PRELID3A: variants seen among roughly 807,000 people sequenced by gnomAD.
PRELID3A encodes the protein PRELI domain containing protein 3A.
A neutral mutation model predicts 23.0 loss-of-function variants in PRELID3A; 27 were observed. The ratio of observed to expected loss-of-function variants is 1.17; its 90% CI spans 0.87 to 1.62. The LOEUF (loss-of-function observed/expected upper bound fraction) is 1.62. Among genes scored for constraint, PRELID3A ranks in the 40% most tolerant of loss-of-function variants. The pLI is 0.00. For synonymous variants in PRELID3A, 87 were observed against 86.4 expected (o/e 1.01, Z -0.04); for missense variants, 231 against 231.4 (o/e 1.00, Z 0.01).
intron 1 of PRELID3A, among the ~76,000 whole-genome samples, chr18:12,415,045 C>T (rs1042852792): frequency 1.3e-5 from 2 of 152,200 alleles, no homozygotes; most frequent in South Asian, 4.2e-4. Context: ...CCTCCCATCT[C>T]AGGCTCTGCA....
intron 5 of PRELID3A, among the ~76,000 whole-genome samples, 154 bp downstream of exon 5, chr18:12,427,477 G>A (rs1046376944): frequency 4.6e-5 from 7 of 151,898 alleles, no homozygotes; most frequent in Non-Finnish European, 7.4e-5. Context: ...CAGGTGGACC[G>A]CTTGAGGCCA....
chr18:12,422,086 C>T (rs565471513), intron 3 of PRELID3A, among the ~76,000 whole-genome samples: 28 of 152,006 alleles, frequency 1.8e-4, no homozygotes, highest in African/African-American at 5.1e-4. Context: ...ACCACAGGCA[C>T]GTGCCACCAT....
intron 1 of PRELID3A, among the ~76,000 whole-genome samples, chr18:12,415,065 A>G (rs1057151646): frequency 1.3e-5 from 2 of 151,854 alleles, no homozygotes; most frequent in African/African-American, 4.8e-5. Flanking sequence ...AGTAGCTGGG[A>G]CTATGGTTGC....
intron 1 of PRELID3A, 137 bp downstream of exon 1, chr18:12,408,144 A>G: frequency 1.3e-6 from 1 of 790,506 alleles, no homozygotes; most frequent in Non-Finnish European, 1.7e-6. Flanking sequence ...GGCCGTTCCC[A>G]GACCGCAACT....
At chr18:12,422,599 C>T (rs2143373544) in intron 3 of PRELID3A, among the ~76,000 whole-genome samples, 1 of 152,142 alleles carries the variant, frequency 6.6e-6, no homozygotes, top group Middle Eastern at 3.4e-3. Context: ...CCTCGTGATC[C>T]ACCCGCCTCA....
intron 1 of PRELID3A, among the ~76,000 whole-genome samples, chr18:12,416,729 T>A (rs1367079630): frequency 6.7e-6 from 1 of 150,300 alleles, no homozygotes; most frequent in Non-Finnish European, 1.5e-5. Context: ...CACTGCAAGC[T>A]CCGCCTCCCG....
chr18:12,421,261 A>G (rs2030172729), intron 2 of PRELID3A: 1 of 416,034 alleles, frequency 2.4e-6, no homozygotes, highest in African/African-American at 2.1e-5. Context: ...TCCGCCCGGC[A>G]GAGGGGCCTC....
In PRELID3A at chr18:12,408,069, G is replaced by C. The variant is rs1598852388; in HGVS notation, c.32+62G>C. Reference sequence around the variant, plus strand: ...GACGCCGGCTCCTGCTCCCGAGCCCGGCTGGAGCGGTCCAGGAAAGGCCGG... The same window carrying C: ...GACGCCGGCTCCTGCTCCCGAGCCCCGCTGGAGCGGTCCAGGAAAGGCCGG... On this transcript the variant is annotated intron_variant, in intron 1 of 6. Coordinates refer to ENST00000440960, the MANE Select transcript of PRELID3A (RefSeq NM_001142405.2). 2.4e-6 allele frequency: 3 copies of C among 1,224,522 alleles called. No individual in the cohort carries two copies. The East Asian group carries it at 9.6e-5, about 39-fold the overall frequency. The allele number at this position is 1,224,522 out of a possible 1,614,324, so 75.9% of individuals were successfully genotyped here. A position where few individuals can be genotyped will look rare whatever the true frequency, so the allele number is the denominator to read the frequency against.
intron 3 of PRELID3A, among the ~76,000 whole-genome samples, chr18:12,426,380 C>G (rs1006427178): frequency 2.0e-5 from 3 of 150,298 alleles, no homozygotes; most frequent in Non-Finnish European, 4.4e-5. Context: ...CGGTGAAACT[C>G]CGTCTCTACT....
At chr18:12,411,647 CT>C (rs1374559550) in intron 1 of PRELID3A, among the ~76,000 whole-genome samples, 1 of 152,196 alleles carries the variant, frequency 6.6e-6, no homozygotes, top group Non-Finnish European at 1.5e-5. Flanking sequence ...CCATGCCCTT[CT>C]CAGGGCAGGA....
intron 1 of PRELID3A, among the ~76,000 whole-genome samples, chr18:12,415,137 G>A (rs2096847): frequency 0.17 from 25,604 of 151,720 alleles, 2,587 homozygotes; most frequent in East Asian, 0.33. Flanking sequence ...GCTCTATTGC[G>A]CAGGCTGGTC....
intron 1 of PRELID3A, among the ~76,000 whole-genome samples, chr18:12,416,571 C>G (rs1048279496): frequency 2.6e-5 from 4 of 152,196 alleles, no homozygotes; most frequent in Admixed American, 1.3e-4. Context: ...CCTGCCTCAG[C>G]CTCCCCAAGT....
At chr18:12,426,563 A>AAAAAAAAAAAAAAAAAAAAAAAAAAAG (rs67993774) in intron 3 of PRELID3A, among the ~76,000 whole-genome samples, 1 of 87,720 alleles carries the variant, frequency 1.1e-5, no homozygotes, top group Non-Finnish European at 2.1e-5. Flanking sequence ...CAAAAAAAAA[A>AAAAAAAAAAAAAAAAAAAAAAAAAAAG]AAAGTATAAA....
chr18:12,428,280 T>G (rs1384782044), intron 5 of PRELID3A, among the ~76,000 whole-genome samples: 3 of 152,196 alleles, frequency 2.0e-5, no homozygotes, highest in South Asian at 2.1e-4. Context: ...GCAGAGTTGA[T>G]GGAAAGAGCT....
At chr18:12,430,022 G>C (rs938955823) in intron 6 of PRELID3A, among the ~76,000 whole-genome samples, 3 of 152,370 alleles carry the variant, frequency 2.0e-5, no homozygotes, top group African/African-American at 7.2e-5. Context: ...CCTGATCCCC[G>C]GGGAGGACGC....
At chr18:12,416,633 T>A (rs1259527131) in intron 1 of PRELID3A, among the ~76,000 whole-genome samples, 1 of 148,834 alleles carries the variant, frequency 6.7e-6, no homozygotes, top group Non-Finnish European at 1.5e-5. Context: ...TATTTTCTTT[T>A]CTTTTCTTTC....
chr18:12,413,485 G>A (rs1177815368), intron 1 of PRELID3A, among the ~76,000 whole-genome samples: 1 of 152,204 alleles, frequency 6.6e-6, no homozygotes, highest in Non-Finnish European at 1.5e-5. Flanking sequence ...TGACTTGGAA[G>A]CATTTGGAAT....
chr18:12,430,592 GTA>G (rs549392367), intron 6 of PRELID3A, among the ~76,000 whole-genome samples: 173 of 150,060 alleles, frequency 1.2e-3, no homozygotes, highest in Middle Eastern at 0.01. Context: ...TGTGTGATGT[GTA>G]TATGTGTGGT....
intron 1 of PRELID3A, among the ~76,000 whole-genome samples, chr18:12,409,465 C>T (rs1227906648): frequency 6.6e-6 from 1 of 152,080 alleles, no homozygotes; most frequent in Non-Finnish European, 1.5e-5. Context: ...CCGTGACTGG[C>T]CTGACTTTAA....
Sources: gnomAD v4.1 joint callset for allele counts (sites outside exome capture counted in the v4.1 genomes callset) on GRCh38, gnomAD v4.1.1 for gene constraint, MANE v1.5 for transcripts, NCBI Gene and HGNC (gene_info 2026-07-23, HGNC 2026-07-21) for gene names.